The following SLC12A8 variants were observed in gnomAD, a reference collection of about 807,000 sequenced individuals.
SLC12A8 encodes cation-chloride cotransporter 9.
A neutral mutation model predicts 75.6 loss-of-function variants in SLC12A8; 69 were observed. That is an observed-to-expected ratio of 0.91 (90% CI 0.75 to 1.11). SLC12A8 has a LOEUF of 1.11. Among genes scored for constraint, SLC12A8 ranks in the 50% most tolerant of loss-of-function variants. SLC12A8 has a pLI of 0.00. For synonymous variants in SLC12A8, 365 were observed against 372.8 expected, an observed-to-expected ratio of 0.98 and a Z score of 0.24; for missense variants, 877 against 896.7, an observed-to-expected ratio of 0.98 and a Z score of 0.28.
intron 5 of SLC12A8, among the ~76,000 whole-genome samples, chr3:125,142,604 G>A (rs1438286671): frequency 1.3e-5 from 2 of 152,214 alleles, no homozygotes; most frequent in African/African-American, 4.8e-5. Flanking sequence ...GGTTATGCGA[G>A]GACTCACTGT....
chr3:125,163,206 G>A (rs1934211595), intron 5 of SLC12A8, among the ~76,000 whole-genome samples: 1 of 151,958 alleles, frequency 6.6e-6, no homozygotes, highest in Admixed American at 6.6e-5. Context: ...GCTGACAAGT[G>A]GGAGAATCGC....
At chr3:125,124,115 A>G (rs1933134427) in intron 6 of SLC12A8, among the ~76,000 whole-genome samples, 1 of 152,204 alleles carries the variant, frequency 6.6e-6, no homozygotes, top group African/African-American at 2.4e-5. Flanking sequence ...ACCGTGACAC[A>G]GGAATGAGCC....
intron 5 of SLC12A8, among the ~76,000 whole-genome samples, chr3:125,159,945 G>A (rs1934132328): frequency 6.6e-6 from 1 of 152,148 alleles, no homozygotes; most frequent in East Asian, 1.9e-4. Flanking sequence ...AAGAAGCAAT[G>A]GTACTGGTAA....
chr3:125,100,639 C>A (rs996687864), intron 10 of SLC12A8, among the ~76,000 whole-genome samples: 1 of 151,346 alleles, frequency 6.6e-6, no homozygotes, highest in South Asian at 2.1e-4. Flanking sequence ...AACTCCTGAC[C>A]TCAGGTGATC....
chr3:125,099,024 C>T (rs1007181047), intron 10 of SLC12A8, among the ~76,000 whole-genome samples: 12 of 152,210 alleles, frequency 7.9e-5, no homozygotes, highest in African/African-American at 1.9e-4. Context: ...TAGAAAACTA[C>T]GCCCACGCCT....
At chr3:125,092,453 T>C (rs1326344377) in intron 10 of SLC12A8, among the ~76,000 whole-genome samples, 1 of 152,088 alleles carries the variant, frequency 6.6e-6, no homozygotes, top group Non-Finnish European at 1.5e-5. Flanking sequence ...TGTCCAGATA[T>C]GTCATCTGGG....
chr3:125,188,929 G>A (rs1934853638), intron 3 of SLC12A8, among the ~76,000 whole-genome samples: 1 of 152,288 alleles, frequency 6.6e-6, no homozygotes, highest in South Asian at 2.1e-4. Flanking sequence ...TTCTTATGGG[G>A]GCTAAGAATC....
At chr3:125,155,041 C>A (rs1009546947) in intron 5 of SLC12A8, 2 of 152,118 alleles carry the variant, frequency 1.3e-5, no homozygotes, top group African/African-American at 4.8e-5. Flanking sequence ...GTTCATGTCC[C>A]GGGTGAGACG....
chr3:125,161,869 C>G (rs1366827480), intron 5 of SLC12A8, among the ~76,000 whole-genome samples: 1 of 152,226 alleles, frequency 6.6e-6, no homozygotes, highest in Admixed American at 6.5e-5. Context: ...CTAAGCATCT[C>G]CTTTCCTTGC....
intron 4 of SLC12A8, 72 bp from the exon 5 acceptor site, chr3:125,178,046 G>A (rs779962849): frequency 3.2e-5 from 40 of 1,257,360 alleles, no homozygotes; most frequent in Admixed American, 9.7e-5. Context: ...ACCGCCCAGC[G>A]CTGAGAACCC....
intron 5 of SLC12A8, among the ~76,000 whole-genome samples, 179 bp from the exon 6 acceptor site, chr3:125,135,961 C>CT (rs1933482922): frequency 6.6e-6 from 1 of 152,118 alleles, no homozygotes; most frequent in South Asian, 2.1e-4. Flanking sequence ...CTAGGGTTGA[C>CT]TTTTGTGTGC....
At chr3:125,098,450 A>T (rs1286750573) in intron 10 of SLC12A8, among the ~76,000 whole-genome samples, 1 of 151,830 alleles carries the variant, frequency 6.6e-6, no homozygotes, top group Non-Finnish European at 1.5e-5. Flanking sequence ...AGGGCAATTA[A>T]ACAGTTTTGT....
At chr3:125,099,656 C>T (rs574738409) in intron 10 of SLC12A8, among the ~76,000 whole-genome samples, 7 of 152,266 alleles carry the variant, frequency 4.6e-5, no homozygotes, top group Admixed American at 3.9e-4. Flanking sequence ...AGGCCAGGTA[C>T]AGTGGCTCAT....
chr3:125,124,601 C>T (rs137923155), intron 6 of SLC12A8, among the ~76,000 whole-genome samples: 2,124 of 152,248 alleles, frequency 0.014, 42 homozygotes, highest in African/African-American at 0.049. Context: ...GCTGGGATTA[C>T]AGGCATGAGC....
At chr3:125,092,637 T>C (rs1221596832) in intron 10 of SLC12A8, among the ~76,000 whole-genome samples, 1 of 152,080 alleles carries the variant, frequency 6.6e-6, no homozygotes, top group Non-Finnish European at 1.5e-5. Flanking sequence ...AGTTAGCTCG[T>C]GTTAGACCTG....
chr3:125,088,646 C>CAG (rs1364454930), intron 12 of SLC12A8, among the ~76,000 whole-genome samples: 2 of 152,098 alleles, frequency 1.3e-5, no homozygotes, highest in Non-Finnish European at 2.9e-5. Context: ...AAGACAAATG[C>CAG]AGAGACTTGC....
rs754266251 is a variant in SLC12A8, at chr3:125,084,029, T to C, written c.2006A>G (p.Gln669Arg). The C allele has an allele frequency of 6.2e-7, 1 of 1,612,540 alleles. No individual in the cohort carries two copies. The highest frequency in any genetic ancestry group is 2.2e-5 in the East Asian group (1 of 44,844). Residue 669 changes from glutamine to arginine, a missense_variant, in exon 14 of 14, where the codon CAG (glutamine) becomes CGG (arginine). Transcript: ENST00000469902. ...SCRSLRSPQE[Q>R]IILAPSLAKV... ...AGCCAGGGACGGCGCCAAGATGATC[T>C]GCTCCTGAGGGGACCGCAAGCTCCT... is the stretch of plus-strand genomic sequence containing the variant.
chr3:125,158,214 C>T (rs966138685), intron 5 of SLC12A8, among the ~76,000 whole-genome samples: 1 of 151,726 alleles, frequency 6.6e-6, no homozygotes, highest in African/African-American at 2.4e-5. Context: ...GTCAAATTAG[C>T]TTTTCCTTTT....
chr3:125,088,233 G>A lies in SLC12A8; in HGVS notation c.1982+77C>T. The A allele has an allele frequency of 2.7e-6, 4 of 1,466,066 alleles. No individual in the cohort carries two copies. In the South Asian group the frequency reaches 4.6e-5, roughly 17 times the overall value. The allele number at this position is 1,466,066 out of a possible 1,614,324, so 90.8% of individuals were successfully genotyped here. A position where few individuals can be genotyped will look rare whatever the true frequency, so the allele number is the denominator to read the frequency against. ...CACAATCCAGGCCCAAGCCCAGCCAGGAATGGGACACCCTTGGCACCTCCC... is the reference window on the plus strand; with the variant it reads ...CACAATCCAGGCCCAAGCCCAGCCAAGAATGGGACACCCTTGGCACCTCCC... On this transcript the variant is annotated intron_variant, in intron 13 of 13. Coordinates refer to ENST00000469902, the MANE Select transcript of SLC12A8 (RefSeq NM_024628.6).
Sources: gnomAD v4.1 joint callset for allele counts (sites outside exome capture counted in the v4.1 genomes callset) on GRCh38, gnomAD v4.1.1 for gene constraint, MANE v1.5 for transcripts, NCBI Gene and HGNC (gene_info 2026-07-23, HGNC 2026-07-21) for gene names.